ESRRG: variants seen among roughly 807,000 people sequenced by gnomAD.
ESRRG encodes estrogen related receptor gamma.
Under a neutral mutation model 44.0 loss-of-function variants are expected in ESRRG, and 13 were observed. The ratio of observed to expected loss-of-function variants is 0.30; its 90% CI spans 0.19 to 0.47. ESRRG has a LOEUF of 0.47. ESRRG is among the 20% of genes least tolerant of loss of function. The pLI, the probability that ESRRG is intolerant of heterozygous loss-of-function variation, is 1.00. For synonymous variants in ESRRG, 215 were observed against 214.6 expected (o/e 1.00, Z -0.02); for missense variants, 395 against 580.6 (o/e 0.68, Z 3.29).
intron 1 of ESRRG, among the ~76,000 whole-genome samples, chr1:217,066,393 T>C (rs1197656031): frequency 2.2e-5 from 3 of 139,188 alleles, no homozygotes; most frequent in African/African-American, 5.0e-5. Flanking sequence ...TAGCTGGGAC[T>C]ACAGGTGCCC....
intron 1 of ESRRG, among the ~76,000 whole-genome samples, chr1:216,950,181 G>A (rs2066724699): frequency 6.6e-6 from 1 of 152,164 alleles, no homozygotes; most frequent in South Asian, 2.1e-4. Flanking sequence ...TAAGGAATGT[G>A]CTTCATTTAC....
intron 2 of ESRRG, among the ~76,000 whole-genome samples, chr1:216,799,138 G>C (rs2094548843): frequency 6.6e-6 from 1 of 152,054 alleles, no homozygotes; most frequent in Non-Finnish European, 1.5e-5. Context: ...CAGTAAATGT[G>C]ACTTTATCTT....
chr1:216,790,312 G>A (rs926456913), intron 2 of ESRRG, among the ~76,000 whole-genome samples: 1 of 152,166 alleles, frequency 6.6e-6, no homozygotes, highest in Non-Finnish European at 1.5e-5. Context: ...GTATGATGCT[G>A]TGGGAAAGTC....
At chr1:216,927,382 G>C (rs1276917745) in intron 2 of ESRRG, among the ~76,000 whole-genome samples, 1 of 152,144 alleles carries the variant, frequency 6.6e-6, no homozygotes, top group Non-Finnish European at 1.5e-5. Flanking sequence ...TGAAGGGCAA[G>C]GGTTAAGTAG....
At chr1:217,042,427 C>G (rs2151141275) in intron 1 of ESRRG, among the ~76,000 whole-genome samples, 1 of 150,392 alleles carries the variant, frequency 6.6e-6, no homozygotes, top group Non-Finnish European at 1.5e-5. Context: ...AAGCACTCAC[C>G]TAGGAGGAAA....
intron 2 of ESRRG, among the ~76,000 whole-genome samples, chr1:216,730,019 A>G (rs961485550): frequency 1.3e-5 from 2 of 152,194 alleles, no homozygotes; most frequent in African/African-American, 4.8e-5. Context: ...AAAGGAAATC[A>G]GGCTCAGAAT....
intron 5 of ESRRG, among the ~76,000 whole-genome samples, chr1:216,535,056 G>A (rs1057490037): frequency 9.2e-5 from 14 of 152,136 alleles, no homozygotes; most frequent in African/African-American, 2.7e-4. Context: ...GAGAGTTAGG[G>A]TGTATGGGTG....
chr1:216,534,273 G>A (rs1358918549), intron 5 of ESRRG, among the ~76,000 whole-genome samples: 2 of 152,034 alleles, frequency 1.3e-5, no homozygotes, highest in East Asian at 1.9e-4. Flanking sequence ...TCCGTATCTC[G>A]AAATCAAATG....
chr1:216,634,094 T>C (rs2064802175), intron 3 of ESRRG, among the ~76,000 whole-genome samples: 1 of 152,044 alleles, frequency 6.6e-6, no homozygotes, highest in South Asian at 2.1e-4. Context: ...ATTCACCTCA[T>C]AGATCTACAT....
intron 5 of ESRRG, among the ~76,000 whole-genome samples, chr1:216,530,588 G>A (rs1420186300): frequency 4.9e-4 from 75 of 152,124 alleles, no homozygotes; most frequent in Admixed American, 4.8e-3. Flanking sequence ...AGAATGACAG[G>A]CATTGTGAGA....
chr1:216,654,498 G>A (rs535226047), intron 2 of ESRRG, among the ~76,000 whole-genome samples: 1 of 152,002 alleles, frequency 6.6e-6, no homozygotes, highest in Non-Finnish European at 1.5e-5. Flanking sequence ...GTGTGGTGGT[G>A]CATGCCTGTA....
intron 1 of ESRRG, among the ~76,000 whole-genome samples, chr1:217,024,638 T>C (rs2080911045): frequency 6.6e-6 from 1 of 152,186 alleles, no homozygotes; most frequent in Non-Finnish European, 1.5e-5. Flanking sequence ...CCATCTTTCC[T>C]TTATTGTCCC....
rs142157798 is a variant in ESRRG at position 216,649,087 on chromosome 1, ACT to A, written c.589+1884_589+1885del. Among the ~76,000 whole-genome samples the A allele has an allele frequency of 3.1e-3, 467 of 151,724 alleles. 1 individual carries two copies. The highest frequency in any genetic ancestry group is 0.011 in the African/African-American group (436 of 41,388). On this transcript the variant is annotated intron_variant, in intron 3 of 6. Coordinates refer to ENST00000408911, the MANE Select transcript of ESRRG (RefSeq NM_001438.4). Reference sequence around the variant, plus strand: ...CACCATCATCCTAACTGAAAGAAAAACTCTGTCATGTGGGTTGGGTTGTTGTT... The same window carrying A: ...CACCATCATCCTAACTGAAAGAAAAACTGTCATGTGGGTTGGGTTGTTGTT...
chr1:216,632,167 A>G (rs537758098), intron 3 of ESRRG, among the ~76,000 whole-genome samples: 1 of 152,328 alleles, frequency 6.6e-6, no homozygotes, highest in South Asian at 2.1e-4. Context: ...CTATATATCA[A>G]AACACTTTTT....
At chr1:216,514,825 A>G (rs906741753) in intron 6 of ESRRG, among the ~76,000 whole-genome samples, 1 of 152,132 alleles carries the variant, frequency 6.6e-6, no homozygotes, top group Non-Finnish European at 1.5e-5. Context: ...AAGAAGCTTA[A>G]AAAAGGAAAT....
upstream of ESRRG, among the ~76,000 whole-genome samples, chr1:216,727,767 C>T (rs561832986): frequency 4.6e-5 from 7 of 152,210 alleles, no homozygotes; most frequent in East Asian, 1.4e-3. Context: ...TGACAAACCT[C>T]TTGTCCTATA....
At chr1:216,665,248 GA>G (rs529730351) in intron 2 of ESRRG, among the ~76,000 whole-genome samples, 420 of 149,868 alleles carry the variant, frequency 2.8e-3, no homozygotes, top group Middle Eastern at 0.01. Context: ...TGTATGTATA[GA>G]AAAAAAAAAT....
At chr1:217,006,046 T>C (rs532027016) in intron 1 of ESRRG, among the ~76,000 whole-genome samples, 2 of 152,248 alleles carry the variant, frequency 1.3e-5, no homozygotes, top group South Asian at 2.1e-4. Context: ...CCAGTTTGAA[T>C]TGGAATGGCT....
At chr1:216,602,766 C>T (rs2059417386) in intron 3 of ESRRG, among the ~76,000 whole-genome samples, 1 of 152,152 alleles carries the variant, frequency 6.6e-6, no homozygotes, top group Non-Finnish European at 1.5e-5. Flanking sequence ...CACAGTTTAA[C>T]CGAACACTGA....
Sources: allele counts gnomAD v4.1 joint callset (sites outside exome capture counted in the v4.1 genomes callset), GRCh38; gene constraint gnomAD v4.1.1; transcripts MANE v1.5; gene names NCBI Gene and HGNC (gene_info 2026-07-23, HGNC 2026-07-21).